The following ABI3 variants were observed in gnomAD, a reference collection of about 807,000 sequenced individuals.
ABI3 encodes ABI family member 3, also known as ABI gene family member 3.
In ABI3, 24 loss-of-function variants were observed where a neutral mutation model predicts 37.0. That is an observed-to-expected ratio of 0.65 (90% CI 0.47 to 0.91). The LOEUF (loss-of-function observed/expected upper bound fraction) is 0.91. Ranked by LOEUF, ABI3 falls within the 40% of genes least tolerant of loss-of-function variation. The pLI is 0.00. For missense variants in ABI3, 481 were observed against 485.1 expected (o/e 0.99, Z 0.08); for synonymous variants, 220 against 211.8 (o/e 1.04, Z -0.34).
Position 49,210,901 on chromosome 17 carries a change from G to GC in ABI3, c.117+64dup. ...CCCCGGAGGGGGGACCCTGAGCCCT[G>GC]CCCCAAGTGGGGCCCTGGGACCCAT... On this transcript the variant is annotated intron_variant, in intron 1 of 7. Coordinates refer to ENST00000225941, the MANE Select transcript of ABI3 (RefSeq NM_016428.3). The surrounding 1 kb of genome is among the most constrained non-coding windows in gnomAD (Gnocchi z 4.2). 1 of 1,406,470 alleles carries GC rather than the reference G, an allele frequency of 7.1e-7. No individual in the cohort carries two copies. Among genetic ancestry groups the GC allele is most frequent in the Non-Finnish European group, 9.7e-7 (1 of 1,028,696 alleles). 87.1% of individuals were successfully genotyped at this position (1,406,470 alleles called of 1,614,324 possible). A position where few individuals can be genotyped will look rare whatever the true frequency, so the allele number is the denominator to read the frequency against.
chr17:49,214,393 T>G (rs1402788545), intron 1 of ABI3, among the ~76,000 whole-genome samples: 1 of 152,116 alleles, frequency 6.6e-6, no homozygotes, highest in Non-Finnish European at 1.5e-5. Context: ...TAGCCCCCAC[T>G]GCCTGATCTG....
At chr17:49,217,021 C>T (rs1255310446) in intron 2 of ABI3, among the ~76,000 whole-genome samples, 1 of 152,166 alleles carries the variant, frequency 6.6e-6, no homozygotes, top group Non-Finnish European at 1.5e-5. Context: ...GCAGTGCCCT[C>T]ATAAATATCC....
chr17:49,222,573 C>G lies in ABI3; in HGVS notation c.959C>G (p.Thr320Ser). 1 of 1,613,986 alleles carries G rather than the reference C, an allele frequency of 6.2e-7. No homozygotes were observed. The highest frequency in any genetic ancestry group is 8.5e-7 in the Non-Finnish European group (1 of 1,180,024). ...LEKVVTLYPY[T>S]SQKDNELSFS... ...GCAGTGGTGACACTGTACCCATACACCAGCCAGAAGGACAATGAGCTCTCC... is the reference window on the plus strand; with the variant it reads ...GCAGTGGTGACACTGTACCCATACAGCAGCCAGAAGGACAATGAGCTCTCC... The change falls in exon 8 of 8, where the codon ACC becomes AGC. Residue 320 changes from threonine (T) to serine (S), a missense_variant. Transcript: ENST00000225941.
intron 2 of ABI3, 138 bp from the exon 3 acceptor site, chr17:49,217,601 G>A: frequency 2.8e-6 from 2 of 703,584 alleles, no homozygotes; most frequent in Non-Finnish European, 4.3e-6. Context: ...TGGGGGGCGG[G>A]GGGCGGGGGG....
intron 2 of ABI3, among the ~76,000 whole-genome samples, chr17:49,217,513 ACT>A (rs1357684261): frequency 1.4e-5 from 2 of 140,978 alleles, no homozygotes; most frequent in African/African-American, 2.7e-5. Context: ...AATAACCCAT[ACT>A]CTCTTTCCAC....
At position 49,222,092 on chromosome 17, in the gene ABI3, C is replaced by A. The variant is rs146244763; in HGVS notation, c.804C>A (p.Asp268Glu). 28 of 1,594,820 alleles carry A rather than the reference C, an allele frequency of 1.8e-5. No individual in the cohort carries two copies. The highest frequency in any genetic ancestry group is 2.2e-5 in the Non-Finnish European group (26 of 1,170,770). ...TLEELSPPPP[D>E]EELPLPLDLP... ...CAGCCTTTCTGCTTTTCCCCCAAGA[C>A]GAAGAGCTGCCCCTGCCACTGGACC... is the stretch of plus-strand genomic sequence containing the variant. Residue 268 changes from aspartate to glutamate, a missense_variant and splice_region_variant, in exon 7 of 8, where the codon GAC (aspartate) becomes GAA (glutamate). By Grantham distance (45) the Asp-to-Glu change is conservative. Transcript: ENST00000225941.
At position 49,217,923 on chromosome 17, in the gene ABI3, G is replaced by T; in HGVS notation, c.462+8G>T. ...ATTGGCCATGGGATCAAGGTAGAGA[G>T]AGGGGCCCTCCTCTTTCCCTCCAAC... On this transcript the variant is annotated splice_region_variant and intron_variant, in intron 3 of 7. Transcript: ENST00000225941. 1 of 1,517,708 alleles carries T rather than the reference G, an allele frequency of 6.6e-7. No individual in the cohort carries two copies. The highest frequency in any genetic ancestry group is 8.8e-7 in the Non-Finnish European group (1 of 1,136,676). 94.0% of individuals were successfully genotyped at this position (1,517,708 alleles called of 1,614,324 possible).
Position 49,222,851 on chromosome 17 carries a change from C to T in ABI3, c.*136C>T, listed in dbSNP as rs780478725. Reference sequence around the variant, plus strand: ...GTGAGCTGTGTTCTGTCCTTCCTCCCATCGGAGGGAGAAGGGGTCCTGGGG... The same window carrying T: ...GTGAGCTGTGTTCTGTCCTTCCTCCTATCGGAGGGAGAAGGGGTCCTGGGG... On this transcript the variant is annotated 3_prime_UTR_variant, in exon 8 of 8. Transcript: ENST00000225941. 4.2e-5 allele frequency: 42 copies of T among 1,010,378 alleles called. No homozygotes were observed. The highest frequency in any genetic ancestry group is 5.8e-5 in the Non-Finnish European group (41 of 711,080). 62.6% of individuals were successfully genotyped at this position (1,010,378 alleles called of 1,614,324 possible).
intron 7 of ABI3, 135 bp downstream of exon 7, chr17:49,222,360 C>A: frequency 7.2e-7 from 1 of 1,391,156 alleles, no homozygotes; most frequent in Non-Finnish European, 9.6e-7. Context: ...ACTGACAGAA[C>A]TGGGGAGAGG....
At chr17:49,216,094 A>G (rs1257168121) in intron 1 of ABI3, among the ~76,000 whole-genome samples, 8 of 147,392 alleles carry the variant, frequency 5.4e-5, no homozygotes, top group Admixed American at 4.8e-4. Context: ...CTGGGCAACA[A>G]GAGTGAAACT....
chr17:49,214,471 G>A (rs895259851), intron 1 of ABI3, among the ~76,000 whole-genome samples: 3 of 152,214 alleles, frequency 2.0e-5, no homozygotes, highest in Admixed American at 2.0e-4. Context: ...CACTTTGGGA[G>A]GCCAAGGCAG....
In ABI3 at chr17:49,219,973, G is replaced by C. The variant is rs1288103619; in HGVS notation, c.644+20G>C. ...GGCCGGGTGAGACCTACAAGCCCAC[G>C]TGGGTGGGTGGGGGGTGGGAAGTGG... On this transcript the variant is annotated intron_variant, in intron 5 of 7. Transcript: ENST00000225941. The surrounding 1 kb of genome is among the most constrained non-coding windows in gnomAD (Gnocchi z 4.3). 1 of 1,300,100 alleles carries C rather than the reference G, an allele frequency of 7.7e-7. No individual in the cohort carries two copies. The highest frequency in any genetic ancestry group is 1.1e-6 in the Non-Finnish European group (1 of 929,422). 80.5% of individuals were successfully genotyped at this position (1,300,100 alleles called of 1,614,324 possible).
intron 1 of ABI3, among the ~76,000 whole-genome samples, chr17:49,214,408 C>T (rs774880949): frequency 2.6e-5 from 4 of 151,952 alleles, no homozygotes; most frequent in Non-Finnish European, 5.9e-5. Context: ...GATCTGGGAC[C>T]AACAAAAAAA....
At chr17:49,220,723 A>G (rs903314481) in intron 6 of ABI3, among the ~76,000 whole-genome samples, 3 of 152,018 alleles carry the variant, frequency 2.0e-5, no homozygotes, top group African/African-American at 7.3e-5. Context: ...GCAAGCCTGT[A>G]ATACCAGCTA....
intron 2 of ABI3, among the ~76,000 whole-genome samples, chr17:49,217,441 T>G (rs970900503): frequency 6.6e-6 from 1 of 152,144 alleles, no homozygotes; most frequent in Non-Finnish European, 1.5e-5. Context: ...GGTGCTTGTC[T>G]CCTCCCAGCA....
In ABI3 at chr17:49,222,740, G is replaced by C. The variant is rs368644987; in HGVS notation, c.*25G>C. ...ACAGCCCAGGGCTCTCTGGGCAGCT[G>C]ATGTCTGCACTGAGTGGGTTTCATG... On this transcript the variant is annotated 3_prime_UTR_variant, in exon 8 of 8. Transcript: ENST00000225941. 1 of 1,544,964 alleles carries C rather than the reference G, an allele frequency of 6.5e-7. No individual in the cohort carries two copies. The highest frequency in any genetic ancestry group is 8.7e-7 in the Non-Finnish European group (1 of 1,146,614).
rs1428545686 is a variant in ABI3, at chr17:49,222,754, G to A, written c.*39G>A. On this transcript the variant is annotated 3_prime_UTR_variant, in exon 8 of 8. Coordinates refer to ENST00000225941, the MANE Select transcript of ABI3 (RefSeq NM_016428.3). Reference sequence around the variant, plus strand: ...TCTGGGCAGCTGATGTCTGCACTGAGTGGGTTTCATGAGCCCCAAGCCAAA... The same window carrying A: ...TCTGGGCAGCTGATGTCTGCACTGAATGGGTTTCATGAGCCCCAAGCCAAA... The A allele has an allele frequency of 6.5e-7, 1 of 1,530,696 alleles. No individual in the cohort carries two copies. Among genetic ancestry groups the A allele is most frequent in the Non-Finnish European group, 8.8e-7 (1 of 1,138,484 alleles). 94.8% of individuals were successfully genotyped at this position (1,530,696 alleles called of 1,614,324 possible). A position where few individuals can be genotyped will look rare whatever the true frequency, so the allele number is the denominator to read the frequency against.
chr17:49,219,616 C>A lies in ABI3; in HGVS notation c.539C>A (p.Ala180Asp). ...AAGGCCCCTGCCACACCCGCCTCCG[C>A]CACCTTGGGGTGAGGCCTCGCCGCG... is the stretch of plus-strand genomic sequence containing the variant. Reference protein sequence around the residue: ...SIKAPATPASATLGRPPRIPE... With the variant: ...SIKAPATPASDTLGRPPRIPE... The change falls in exon 4 of 8, where the codon GCC becomes GAC. Residue 180 changes from alanine to aspartate, a missense_variant. Ala to Asp is a moderately radical substitution (Grantham distance 126). Transcript: ENST00000225941. This position sits in a 1 kb window ranked among gnomAD's most constrained non-coding sequence, Gnocchi z 4.3. 6.2e-7 allele frequency: 1 copy of A among 1,605,290 alleles called. No individual in the cohort carries two copies. Among genetic ancestry groups the A allele is most frequent in the African/African-American group, 1.3e-5 (1 of 74,926 alleles).
intron 2 of ABI3, 46 bp downstream of exon 2, chr17:49,216,744 C>T (rs764101960): frequency 1.0e-5 from 14 of 1,392,150 alleles, no homozygotes; most frequent in African/African-American, 1.5e-5. Context: ...CAGGCCTCAA[C>T]TCTTCAGCCC....
Sources: gnomAD v4.1 joint callset for allele counts (sites outside exome capture counted in the v4.1 genomes callset) on GRCh38, gnomAD v4.1.1 for gene constraint, Gnocchi (gnomAD v3.1) non-coding constraint, MANE v1.5 for transcripts, NCBI Gene and HGNC (gene_info 2026-07-23, HGNC 2026-07-21) for gene names.